Variants in FAS observed in about 807,000 individuals in gnomAD.
FAS encodes Fas cell surface death receptor.
FAS carries 5 observed loss-of-function variants against 33.2 expected under a neutral mutation model. That is an observed-to-expected ratio of 0.15 (90% confidence interval 0.08 to 0.32). The LOEUF is 0.32. Among genes scored for constraint, FAS ranks in the 10% least tolerant of loss-of-function variants. FAS has a pLI of 1.00. For synonymous variants in FAS, 131 were observed against 130.7 expected (o/e 1.00, Z -0.01); for missense variants, 339 against 386.0 (o/e 0.88, Z 1.02).
At chr10:88,975,137 G>A in intron 2 of FAS, 1 of 144,744 alleles carries the variant, frequency 6.9e-6, no homozygotes, top group Non-Finnish European at 1.5e-5. Context: ...AGTGAAACCA[G>A]AATGCTGTCA....
intron 1 of FAS, among the ~76,000 whole-genome samples, chr10:88,970,378 G>A (rs750567324): frequency 2.0e-5 from 3 of 152,024 alleles, no homozygotes; most frequent in Non-Finnish European, 2.9e-5. Context: ...GCAGCAAATT[G>A]CTGTGCCCTT....
upstream of FAS, chr10:88,990,742 G>GGGCACT: frequency 9.7e-7 from 1 of 1,035,172 alleles, no homozygotes; most frequent in Non-Finnish European, 1.5e-6. The surrounding 1 kb of genome is among the most constrained non-coding windows in gnomAD (Gnocchi z 4.9). Context: ...CCTCAGGGGC[G>GGGCACT]GGCACTGGCA....
chr10:88,988,631 T>A (rs1396812557), upstream of FAS, among the ~76,000 whole-genome samples: 1 of 152,106 alleles, frequency 6.6e-6, no homozygotes, highest in Non-Finnish European at 1.5e-5. Context: ...AAAATTTTAT[T>A]TCTTTGCCCT....
chr10:88,981,632 G>A (rs1278438684), intron 2 of FAS, among the ~76,000 whole-genome samples: 1 of 152,144 alleles, frequency 6.6e-6, no homozygotes, highest in Non-Finnish European at 1.5e-5. Context: ...AAGCAGTGGG[G>A]TGGGCAGAGT....
At chr10:88,965,704 GT>G (rs1314053869) in intron 1 of FAS, among the ~76,000 whole-genome samples, 1 of 152,076 alleles carries the variant, frequency 6.6e-6, no homozygotes, top group Non-Finnish European at 1.5e-5. Flanking sequence ...TTTCCCCTGC[GT>G]TTCTGCAAAG....
chr10:88,987,326 G>A (rs1846931000), upstream of FAS, among the ~76,000 whole-genome samples: 1 of 152,198 alleles, frequency 6.6e-6, no homozygotes. Context: ...TATCAGTTAA[G>A]ATTTTTTCAG....
chr10:88,983,144 G>A (rs746984356), upstream of FAS, among the ~76,000 whole-genome samples: 5 of 152,170 alleles, frequency 3.3e-5, no homozygotes, highest in Admixed American at 6.5e-5. Flanking sequence ...TGGCCACACT[G>A]TCTTAATTAG....
chr10:88,978,339 T>G (rs1364292293), intron 2 of FAS, among the ~76,000 whole-genome samples: 1 of 151,086 alleles, frequency 6.6e-6, no homozygotes, highest in Non-Finnish European at 1.5e-5. Context: ...GCATGGCACA[T>G]GTATACATAT....
intron 8 of FAS, among the ~76,000 whole-genome samples, 177 bp downstream of exon 8, chr10:89,013,544 G>T (rs1848635922): frequency 6.6e-6 from 1 of 152,200 alleles, no homozygotes; most frequent in Non-Finnish European, 1.5e-5. Flanking sequence ...AATTTATAAT[G>T]AATACTCATA....
At position 89,010,447 on chromosome 10, in the gene FAS, T is replaced by C. The variant is rs577052443; in HGVS notation, c.444-92T>C. ...CGTTTGCCAGAGATGCAAAGATGAA[T>C]AAAATGGCCCCTAATTTACAAAGTG... On this transcript the variant is annotated intron_variant, in intron 4 of 8. Coordinates refer to ENST00000652046, the MANE Select transcript of FAS (RefSeq NM_000043.6). 1.3e-4 allele frequency: 130 copies of C among 995,256 alleles called. 2 individuals are homozygous for C. In the South Asian group the frequency reaches 1.7e-3, roughly 13 times the overall value. 61.7% of individuals were successfully genotyped at this position (995,256 alleles called of 1,614,324 possible). A position where few individuals can be genotyped will look rare whatever the true frequency, so the allele number is the denominator to read the frequency against.
Position 88,981,683 on chromosome 10 carries a change from G to A in FAS, n.261-7786G>A, listed in dbSNP as rs1846714979. Among the ~76,000 whole-genome samples, 6 of 152,172 alleles carry A rather than the reference G, an allele frequency of 3.9e-5. No homozygotes were observed. In the South Asian group the frequency reaches 1.2e-3, roughly 31 times the overall value. On this transcript the variant is annotated intron_variant and non_coding_transcript_variant, in intron 2 of 3. Coordinates refer to the FAS transcript ENST00000688239. ...TCCTGGGAAGGGAACACTGTAGGGA[G>A]GGAGAGAGAGGCTGGATGGGGGAAA...
intron 1 of FAS, among the ~76,000 whole-genome samples, chr10:88,970,897 G>A (rs4934432): frequency 0.97 from 146,406 of 150,566 alleles, 71,235 homozygotes; most frequent in Non-Finnish European, 0.99. Flanking sequence ...GTGTGTGTGT[G>A]TATATATATA....
intron 2 of FAS, among the ~76,000 whole-genome samples, chr10:88,976,668 C>G (rs1350553893): frequency 6.6e-6 from 1 of 151,976 alleles, no homozygotes; most frequent in Non-Finnish European, 1.5e-5. Flanking sequence ...AAATACACAC[C>G]AACTATTGAG....
At chr10:88,990,568 G>A, upstream of FAS, 1 of 649,540 alleles carries the variant, frequency 1.5e-6, no homozygotes, top group Non-Finnish European at 2.8e-6. The surrounding 1 kb of genome is among the most constrained non-coding windows in gnomAD (Gnocchi z 4.9). Context: ...AATCAATGGA[G>A]CCCTCCCCAA....
chr10:88,990,797 C>T (rs751816611), upstream of FAS: 36 of 1,593,874 alleles, frequency 2.3e-5, no homozygotes, highest in African/African-American at 4.4e-4. The surrounding 1 kb of genome is among the most constrained non-coding windows in gnomAD (Gnocchi z 4.9). Flanking sequence ...GGCGGAGCTG[C>T]CTCTTCTCCC....
At chr10:89,009,770 A>G (rs183689707) in intron 4 of FAS, among the ~76,000 whole-genome samples, 2 of 152,356 alleles carry the variant, frequency 1.3e-5, no homozygotes, top group East Asian at 3.9e-4. Flanking sequence ...GAGTGCCCCT[A>G]TGATGACAGG....
At chr10:88,981,220 C>T (rs577190450) in intron 2 of FAS, among the ~76,000 whole-genome samples, 7 of 152,324 alleles carry the variant, frequency 4.6e-5, no homozygotes, top group Non-Finnish European at 8.8e-5. Context: ...TAGTTAAACT[C>T]ACCTAACCTA....
At chr10:88,998,814 T>G (rs1318763723) in intron 1 of FAS, among the ~76,000 whole-genome samples, 1 of 152,156 alleles carries the variant, frequency 6.6e-6, no homozygotes, top group Non-Finnish European at 1.5e-5. Flanking sequence ...TTGTTTAAAA[T>G]TTTAGAAGCT....
intron 1 of FAS, among the ~76,000 whole-genome samples, chr10:88,965,003 G>A (rs1258946256): frequency 6.6e-6 from 1 of 152,064 alleles, no homozygotes; most frequent in East Asian, 1.9e-4. Context: ...CCAGCCCTGT[G>A]TATTCTATTT....
Sources: allele counts gnomAD v4.1 joint callset (sites outside exome capture counted in the v4.1 genomes callset), GRCh38; gene constraint gnomAD v4.1.1; non-coding constraint Gnocchi (gnomAD v3.1); transcripts MANE v1.5; gene names NCBI Gene and HGNC (gene_info 2026-07-23, HGNC 2026-07-21).